Variants in SATB2 observed in about 807,000 individuals in gnomAD.
The protein encoded by SATB2 is DNA-binding protein SATB2.
A neutral mutation model predicts 73.4 loss-of-function variants in SATB2; 1 was observed. That is an observed-to-expected ratio of 0.01 (90% CI 0.00 to 0.06). SATB2 has a LOEUF of 0.06. Ranked by LOEUF, SATB2 falls within the 10% of genes least tolerant of loss-of-function variation. The probability of loss-of-function intolerance (pLI) is 1.00; values close to 1 mark genes in which losing one functional copy is unlikely to be tolerated. For missense variants in SATB2, 459 were observed against 945.8 expected (o/e 0.49, Z 6.75); for synonymous variants, 397 against 367.0 (o/e 1.08, Z -0.93).
chr2:199,438,303 T>C (rs1258240858), intron 2 of SATB2, among the ~76,000 whole-genome samples: 1 of 152,196 alleles, frequency 6.6e-6, no homozygotes, highest in Non-Finnish European at 1.5e-5. Flanking sequence ...AATAACAATA[T>C]ATAATTTTTT....
chr2:199,364,279 G>A (rs1445968794), intron 6 of SATB2, among the ~76,000 whole-genome samples: 1 of 152,062 alleles, frequency 6.6e-6, no homozygotes, highest in Non-Finnish European at 1.5e-5. Flanking sequence ...ACTAGTTCAA[G>A]GAGTTTAATT....
chr2:199,363,366 C>T lies in SATB2; in HGVS notation c.700+5239G>A, dbSNP rs151025952. ...TGACGACATGAGTAGAACTGGAGAA[C>T]GTTGTGCTAAGTGAAACAAGTCAAA... On this transcript the variant is annotated intron_variant, in intron 6 of 10. Transcript: ENST00000417098. Among the ~76,000 whole-genome samples the T allele has an allele frequency of 7.7e-3, 1,170 of 152,268 alleles. 6 individuals carry two copies. The highest frequency in any genetic ancestry group is 0.013 in the Admixed American group (203 of 15,300).
intron 3 of SATB2, among the ~76,000 whole-genome samples, chr2:199,386,656 G>A (rs1369358557): frequency 6.6e-6 from 1 of 151,226 alleles, no homozygotes; most frequent in African/African-American, 2.4e-5. Flanking sequence ...AGAAAAACTA[G>A]TGATGATTAA....
intron 10 of SATB2, among the ~76,000 whole-genome samples, chr2:199,280,466 G>A (rs1415617574): frequency 6.6e-6 from 1 of 152,164 alleles, no homozygotes; most frequent in African/African-American, 2.4e-5. Context: ...GACTGCTGGT[G>A]AGCCGGGCGG....
chr2:199,309,831 T>TA (rs1342253930), intron 9 of SATB2, among the ~76,000 whole-genome samples: 1 of 152,036 alleles, frequency 6.6e-6, no homozygotes, highest in Non-Finnish European at 1.5e-5. Flanking sequence ...TGCAAAAGAG[T>TA]AAAAAAATGT....
At chr2:199,456,975 T>TGGGGGGG (rs71397724) in intron 1 of SATB2, among the ~76,000 whole-genome samples, 2 of 123,784 alleles carry the variant, frequency 1.6e-5, no homozygotes, top group African/African-American at 6.6e-5. Flanking sequence ...ATTGGGGGGG[T>TGGGGGGG]GGGGGGGGGC....
intron 6 of SATB2, among the ~76,000 whole-genome samples, chr2:199,352,708 G>A (rs370124302): frequency 2.6e-5 from 4 of 152,132 alleles, no homozygotes; most frequent in Admixed American, 6.5e-5. Context: ...GGTGGAGGAG[G>A]GAAAGTCTAA....
At chr2:199,365,047 G>GA (rs1341770226) in intron 6 of SATB2, among the ~76,000 whole-genome samples, 8 of 151,804 alleles carry the variant, frequency 5.3e-5, no homozygotes, top group African/African-American at 1.9e-4. Flanking sequence ...TAGAACTTAG[G>GA]AAAAAACTAC....
At chr2:199,459,962 C>T (rs1354521637), upstream of SATB2, 3 of 152,518 alleles carry the variant, frequency 2.0e-5, no homozygotes, top group East Asian at 1.9e-4. This position sits in a 1 kb window ranked among gnomAD's most constrained non-coding sequence, Gnocchi z 4.2. Context: ...AGTGTCGGCG[C>T]CCAGATCACC....
chr2:199,392,949 C>T (rs1348586008), intron 3 of SATB2, among the ~76,000 whole-genome samples: 1 of 152,056 alleles, frequency 6.6e-6, no homozygotes, highest in East Asian at 1.9e-4. Flanking sequence ...GAAGCAAAAA[C>T]TTGGATCTTC....
At chr2:199,304,935 G>A (rs1687387663) in intron 10 of SATB2, among the ~76,000 whole-genome samples, 1 of 152,118 alleles carries the variant, frequency 6.6e-6, no homozygotes, top group Non-Finnish European at 1.5e-5. Context: ...CGTGGTCTCA[G>A]CTATAATCTT....
chr2:199,376,020 G>A (rs568826634), intron 5 of SATB2, among the ~76,000 whole-genome samples: 2 of 152,240 alleles, frequency 1.3e-5, no homozygotes, highest in South Asian at 2.1e-4. Flanking sequence ...AAATAGGCGC[G>A]CTTATCTCCA....
intron 3 of SATB2, among the ~76,000 whole-genome samples, chr2:199,385,144 T>C (rs1689892025): frequency 6.6e-6 from 1 of 152,018 alleles, no homozygotes. Context: ...TGTTTGTTTG[T>C]TTGTTTCTGA....
chr2:199,357,683 C>T (rs1049351854), intron 6 of SATB2, among the ~76,000 whole-genome samples: 1 of 151,898 alleles, frequency 6.6e-6, no homozygotes, highest in African/African-American at 2.4e-5. Context: ...TATATATGTG[C>T]CTATATAATC....
intron 7 of SATB2, among the ~76,000 whole-genome samples, chr2:199,335,298 T>C (rs1178189185): frequency 2.0e-5 from 3 of 152,186 alleles, no homozygotes; most frequent in Non-Finnish European, 4.4e-5. Context: ...AGGGAATTAA[T>C]GTATTCTGCA....
intron 2 of SATB2, among the ~76,000 whole-genome samples, chr2:199,452,043 CA>C (rs1692140521): frequency 1.3e-5 from 2 of 151,818 alleles, no homozygotes; most frequent in East Asian, 3.9e-4. Context: ...ATAAAAAAAG[CA>C]AATCTCTCTA....
intron 9 of SATB2, among the ~76,000 whole-genome samples, chr2:199,310,410 T>C (rs1157168834): frequency 2.0e-5 from 3 of 151,564 alleles, no homozygotes; most frequent in Non-Finnish European, 2.9e-5. Flanking sequence ...TTCATAGATT[T>C]TTTTTCAACT....
At chr2:199,325,278 C>T (rs1298576707) in intron 8 of SATB2, 1 of 152,096 alleles carries the variant, frequency 6.6e-6, no homozygotes, top group African/African-American at 2.4e-5. Context: ...TTTTAAGATT[C>T]CAATGAGTTA....
intron 7 of SATB2, among the ~76,000 whole-genome samples, chr2:199,343,144 G>T (rs1422103230): frequency 6.7e-5 from 10 of 150,030 alleles, no homozygotes; most frequent in Non-Finnish European, 1.5e-5. Context: ...ACACATACAC[G>T]ATTTGTTCTT....
Sources: gnomAD v4.1 joint callset for allele counts (sites outside exome capture counted in the v4.1 genomes callset) on GRCh38, gnomAD v4.1.1 for gene constraint, Gnocchi (gnomAD v3.1) non-coding constraint, MANE v1.5 for transcripts, NCBI Gene and HGNC (gene_info 2026-07-23, HGNC 2026-07-21) for gene names.